PHACTR3: variants seen among roughly 807,000 people sequenced by gnomAD.
PHACTR3 encodes protein phosphatase 1, regulatory subunit 123.
Under a neutral mutation model 66.8 loss-of-function variants are expected in PHACTR3, and 16 were observed. The ratio of observed to expected loss-of-function variants is 0.24; its 90% CI spans 0.16 to 0.36. The LOEUF (loss-of-function observed/expected upper bound fraction) is 0.36. Ranked by LOEUF, PHACTR3 falls within the 10% of genes least tolerant of loss-of-function variation. PHACTR3 has a pLI of 1.00. For synonymous variants in PHACTR3, 323 were observed against 292.1 expected (o/e 1.11, Z -1.08); for missense variants, 647 against 719.9 (o/e 0.90, Z 1.16).
At chr20:59,735,221 A>G (rs888838377) in intron 1 of PHACTR3, among the ~76,000 whole-genome samples, 4 of 152,100 alleles carry the variant, frequency 2.6e-5, no homozygotes, top group African/African-American at 9.7e-5. Context: ...TTTCTCCTCC[A>G]TAAATACATG....
chr20:59,728,069 A>G (rs941465844), intron 1 of PHACTR3, among the ~76,000 whole-genome samples: 1 of 152,322 alleles, frequency 6.6e-6, no homozygotes, highest in South Asian at 2.1e-4. Context: ...AAAGTGTACA[A>G]TTCAGTGGCA....
chr20:59,598,046 G>T (rs142491423), intron 1 of PHACTR3, among the ~76,000 whole-genome samples: 1,924 of 152,318 alleles, frequency 0.013, 31 homozygotes, highest in Middle Eastern at 0.017. Flanking sequence ...TCACCTGGAG[G>T]TCTATAGCTT....
intron 1 of PHACTR3, among the ~76,000 whole-genome samples, chr20:59,663,205 T>C (rs2035873714): frequency 6.6e-6 from 1 of 152,256 alleles, no homozygotes; most frequent in Non-Finnish European, 1.5e-5. Flanking sequence ...CACCATAGGC[T>C]AGCATGGTCT....
rs2041559711 is a variant in PHACTR3, at chr20:59,806,093, C to T, written c.1227C>T (p.Asn409=). Residue 409 remains asparagine, a synonymous_variant, in exon 8 of 13, where the codon AAC becomes AAT. Coordinates refer to ENST00000371015, the MANE Select transcript of PHACTR3 (RefSeq NM_080672.5). ...AGCTCCTGGCCGTGAAGCTAAGGAA[C>T]CGGCCAAGCAAACAGGAACTAGAAG... ...KKELLAVKLR[N]RPSKQELEDR... 1.2e-6 allele frequency: 2 copies of T among 1,614,224 alleles called. No homozygotes were observed. The highest frequency in any genetic ancestry group is 2.2e-5 in the South Asian group (2 of 91,086).
intron 1 of PHACTR3, among the ~76,000 whole-genome samples, chr20:59,705,295 T>C (rs1397504780): frequency 1.3e-5 from 2 of 152,234 alleles, no homozygotes; most frequent in Non-Finnish European, 2.9e-5. Context: ...AATTCTAAGT[T>C]TAAACGTTAT....
intron 8 of PHACTR3, among the ~76,000 whole-genome samples, chr20:59,809,103 G>A (rs1037618906): frequency 3.3e-5 from 5 of 152,116 alleles, no homozygotes; most frequent in African/African-American, 1.2e-4. Flanking sequence ...TCGAGGAAGG[G>A]TTGTTTCTGG....
chr20:59,839,486 G>A (rs2059019201), intron 9 of PHACTR3, among the ~76,000 whole-genome samples: 1 of 152,150 alleles, frequency 6.6e-6, no homozygotes, highest in South Asian at 2.1e-4. Context: ...AGTGTTTCTA[G>A]GAGTGCTGAT....
intron 1 of PHACTR3, chr20:59,626,482 G>GTTC (rs2034451505): frequency 6.6e-6 from 1 of 152,414 alleles, no homozygotes; most frequent in Non-Finnish European, 1.5e-5. Context: ...CTGGTCATGT[G>GTTC]ACTACCCTCG....
At chr20:59,715,518 G>C (rs2038061415) in intron 1 of PHACTR3, among the ~76,000 whole-genome samples, 1 of 152,110 alleles carries the variant, frequency 6.6e-6, no homozygotes, top group African/African-American at 2.4e-5. Flanking sequence ...CTCTGCCTCT[G>C]GTTTACTAAT....
intron 7 of PHACTR3, among the ~76,000 whole-genome samples, chr20:59,793,479 C>T (rs1260368157): frequency 6.6e-6 from 1 of 152,112 alleles, no homozygotes; most frequent in Non-Finnish European, 1.5e-5. Context: ...TCATAATTTT[C>T]AGAATACAGA....
intron 12 of PHACTR3, 134 bp downstream of exon 12, chr20:59,845,399 G>GA (rs1464687415): frequency 1.9e-5 from 11 of 591,192 alleles, no homozygotes; most frequent in Non-Finnish European, 3.0e-5. Context: ...TGAACAAATA[G>GA]AATGTACCTC....
chr20:59,621,623 G>A (rs1397600536), intron 1 of PHACTR3, among the ~76,000 whole-genome samples: 1 of 152,206 alleles, frequency 6.6e-6, no homozygotes, highest in Admixed American at 6.5e-5. Context: ...TCCCAGGCAG[G>A]CACTGGCTGG....
chr20:59,811,487 C>T (rs535501250), intron 8 of PHACTR3, among the ~76,000 whole-genome samples: 4 of 152,202 alleles, frequency 2.6e-5, no homozygotes, highest in East Asian at 1.9e-4. Flanking sequence ...GGTGAAACCT[C>T]GTCTCTACTG....
chr20:59,646,802 A>G (rs1313607029), intron 1 of PHACTR3, among the ~76,000 whole-genome samples: 3 of 152,234 alleles, frequency 2.0e-5, no homozygotes, highest in African/African-American at 7.2e-5. Context: ...GACAGCATGT[A>G]TGCATGCACA....
chr20:59,683,716 G>A (rs145125715), intron 1 of PHACTR3, among the ~76,000 whole-genome samples: 143 of 152,268 alleles, frequency 9.4e-4, no homozygotes, highest in African/African-American at 3.0e-3. Flanking sequence ...TGCCAGGGTC[G>A]TCATAATACC....
chr20:59,843,035 A>C (rs1431899704), intron 11 of PHACTR3, among the ~76,000 whole-genome samples: 1 of 148,358 alleles, frequency 6.7e-6, no homozygotes, highest in Non-Finnish European at 1.5e-5. Context: ...CATAGGATAC[A>C]CAAAATCACA....
chr20:59,664,332 T>G (rs1431009447), intron 1 of PHACTR3, among the ~76,000 whole-genome samples: 2 of 152,146 alleles, frequency 1.3e-5, no homozygotes, highest in Non-Finnish European at 2.9e-5. Context: ...CCTTGTTCCT[T>G]GCATCAAGCA....
intron 1 of PHACTR3, among the ~76,000 whole-genome samples, chr20:59,597,018 A>T (rs1251952208): frequency 6.6e-6 from 1 of 152,202 alleles, no homozygotes; most frequent in Non-Finnish European, 1.5e-5. Flanking sequence ...CCTGGCATGG[A>T]GTCAGTGTTT....
chr20:59,831,153 C>T (rs999926538), intron 8 of PHACTR3, among the ~76,000 whole-genome samples: 1 of 152,210 alleles, frequency 6.6e-6, no homozygotes, highest in Non-Finnish European at 1.5e-5. Context: ...TGTGGGGTCA[C>T]CTGTTTGGCT....
Sources: allele counts gnomAD v4.1 joint callset (sites outside exome capture counted in the v4.1 genomes callset), GRCh38; gene constraint gnomAD v4.1.1; transcripts MANE v1.5; gene names NCBI Gene and HGNC (gene_info 2026-07-23, HGNC 2026-07-21).